Variants in PAXIP1 observed in about 807,000 individuals in gnomAD.
The protein encoded by PAXIP1 is PAX-interacting protein 1.
A neutral mutation model predicts 140.6 loss-of-function variants in PAXIP1; 19 were observed. That is an observed-to-expected ratio of 0.14 (90% CI 0.09 to 0.20). PAXIP1 has a LOEUF of 0.20. Among genes scored for constraint, PAXIP1 ranks in the 10% least tolerant of loss-of-function variants. The probability of loss-of-function intolerance (pLI) is 1.00; values close to 1 mark genes in which losing one functional copy is unlikely to be tolerated. For missense variants in PAXIP1, 920 were observed against 1,208.6 expected (o/e 0.76, Z 3.54); for synonymous variants, 442 against 444.6 (o/e 0.99, Z 0.07).
chr7:154,970,489 G>C (rs1809249608), intron 6 of PAXIP1, among the ~76,000 whole-genome samples: 1 of 152,204 alleles, frequency 6.6e-6, no homozygotes, highest in Admixed American at 6.5e-5. Context: ...TCTATAAAAG[G>C]ATTCAAGACT....
chr7:154,955,735 G>A (rs1288380192), intron 14 of PAXIP1, 104 bp from the exon 15 acceptor site: 1 of 582,764 alleles, frequency 1.7e-6, no homozygotes, highest in East Asian at 3.2e-5. Context: ...AGCTTTAACT[G>A]CATGTGGTTT....
At chr7:154,993,377 C>A (rs746669249) in intron 3 of PAXIP1, among the ~76,000 whole-genome samples, 3 of 152,172 alleles carry the variant, frequency 2.0e-5, no homozygotes, top group Admixed American at 6.6e-5. Context: ...ATGTTCTCTT[C>A]CCCAACTTAC....
rs1808876770 is a variant in PAXIP1, at chr7:154,963,826, A to G, written c.1894-60T>C. 5 of 1,118,682 alleles carry G rather than the reference A, an allele frequency of 4.5e-6. No individual in the cohort carries two copies. The highest frequency in any genetic ancestry group is 6.7e-6 in the Non-Finnish European group (5 of 744,030). 69.3% of individuals were successfully genotyped at this position (1,118,682 alleles called of 1,614,324 possible). ...TCACTCAGAATAGAGGAGAATTCCA[A>G]TTTCAAATAAGGCAGCTATTAAAAG... On this transcript the variant is annotated intron_variant, in intron 8 of 20. Coordinates refer to ENST00000404141, the MANE Select transcript of PAXIP1 (RefSeq NM_007349.4). The surrounding 1 kb of genome is among the most constrained non-coding windows in gnomAD (Gnocchi z 4.1).
chr7:154,966,078 T>C (rs75403962), intron 8 of PAXIP1, among the ~76,000 whole-genome samples: 4,157 of 152,328 alleles, frequency 0.027, 90 homozygotes, highest in Non-Finnish European at 0.041. Context: ...TGTTTCACTC[T>C]CTGCTGGCAT....
chr7:154,988,682 T>C (rs766149744), intron 4 of PAXIP1, among the ~76,000 whole-genome samples: 3 of 152,270 alleles, frequency 2.0e-5, no homozygotes, highest in East Asian at 1.9e-4. Flanking sequence ...AAAATGCCCA[T>C]AGGACTCCCT....
intron 13 of PAXIP1, among the ~76,000 whole-genome samples, chr7:154,959,619 A>G (rs1180600928): frequency 2.0e-5 from 3 of 152,174 alleles, no homozygotes; most frequent in South Asian, 2.1e-4. Flanking sequence ...TCAGGACACT[A>G]TGAAAACATT....
intron 5 of PAXIP1, among the ~76,000 whole-genome samples, chr7:154,982,683 G>T (rs1280485095): frequency 2.6e-5 from 4 of 152,174 alleles, no homozygotes; most frequent in African/African-American, 9.7e-5. Context: ...TCCCCAAGGG[G>T]GGCAGATGCT....
intron 5 of PAXIP1, among the ~76,000 whole-genome samples, chr7:154,980,943 A>G (rs918615262): frequency 5.3e-5 from 8 of 152,136 alleles, no homozygotes; most frequent in African/African-American, 1.4e-4. Context: ...AGCCTGGCCA[A>G]CATTTGGTTT....
chr7:154,973,115 C>T lies in PAXIP1; in HGVS notation c.1074+2581G>A, dbSNP rs1369517420. Among the ~76,000 whole-genome samples, 1 of 152,192 alleles carries T rather than the reference C, an allele frequency of 6.6e-6. No individual in the cohort carries two copies. Among genetic ancestry groups the T allele is most frequent in the African/African-American group, 2.4e-5 (1 of 41,456 alleles). On this transcript the variant is annotated intron_variant, in intron 6 of 20. Transcript: ENST00000404141. The surrounding 1 kb of genome is among the most constrained non-coding windows in gnomAD (Gnocchi z 4.0). ...ACCTTTTCCCTAAACTCGGCTGACC[C>T]CAGCGCTCTCATGGGCACCCACCTG...
At chr7:154,945,064 T>G (rs1807887590) in intron 20 of PAXIP1, 1 of 151,418 alleles carries the variant, frequency 6.6e-6, no homozygotes, top group Non-Finnish European at 1.5e-5. Context: ...ATTGGCTCAC[T>G]GCAACCCCTG....
chr7:154,961,472 G>A (rs1287774552), intron 11 of PAXIP1, 55 bp downstream of exon 11: 16 of 1,385,262 alleles, frequency 1.2e-5, no homozygotes, highest in Non-Finnish European at 1.6e-5. Context: ...TATTGAAATA[G>A]CCACTATATT....
rs1808438154 is a variant in PAXIP1 at position 154,954,879 on chromosome 7, T to A, written c.2653-456A>T. 6.6e-6 allele frequency among the ~76,000 whole-genome samples: 1 copy of A among 152,192 alleles called. No individual in the cohort carries two copies. On this transcript the variant is annotated intron_variant, in intron 15 of 20. Coordinates refer to ENST00000404141, the MANE Select transcript of PAXIP1 (RefSeq NM_007349.4). The surrounding 1 kb of genome is among the most constrained non-coding windows in gnomAD (Gnocchi z 5.1). ...TAAAAAAGCGAGCTCCTAATAACTA[T>A]CCTCACATTTTAAAGGTGGAGAAAT...
intron 2 of PAXIP1, among the ~76,000 whole-genome samples, chr7:154,994,851 G>A (rs1810499117): frequency 6.6e-6 from 1 of 152,158 alleles, no homozygotes; most frequent in Non-Finnish European, 1.5e-5. Flanking sequence ...TAAGTTACTG[G>A]ATTAGTTATC....
At chr7:154,969,846 T>A (rs558820658) in intron 6 of PAXIP1, among the ~76,000 whole-genome samples, 1 of 152,170 alleles carries the variant, frequency 6.6e-6, no homozygotes, top group Admixed American at 6.5e-5. Context: ...AACTAAGGAC[T>A]CATCATTAGA....
Position 154,954,367 on chromosome 7 carries a change from G to A in PAXIP1, c.2709C>T (p.Leu903=), listed in dbSNP as rs1353023158. 2 of 1,609,290 alleles carry A rather than the reference G, an allele frequency of 1.2e-6. No homozygotes were observed. The highest frequency in any genetic ancestry group is 2.7e-5 in the African/African-American group (2 of 74,856). The change falls in exon 16 of 21, where the codon CTC becomes CTT. Residue 903 remains leucine (L), a synonymous_variant. Transcript: ENST00000404141. The surrounding 1 kb of genome is among the most constrained non-coding windows in gnomAD (Gnocchi z 5.1). ...CGGTGCGAGTCACTTTGCTGGCAAT[G>A]AGGTGTGTGCACTTCTGTGCAGACT... is the stretch of plus-strand genomic sequence containing the variant. ...VAESAQKCTH[L]IASKVTRTVK... is the part of the protein sequence containing the mutation.
chr7:154,948,422 C>A, intron 16 of PAXIP1: 1 of 179,114 alleles, frequency 5.6e-6, no homozygotes, highest in South Asian at 1.2e-4. Context: ...TGGCATGTGC[C>A]TGTAGTCCCA....
In PAXIP1 at chr7:154,964,053, A is replaced by G. The variant is rs528073400; in HGVS notation, c.1894-287T>C. 1.4e-5 allele frequency: 5 copies of G among 366,706 alleles called. No individual in the cohort carries two copies. The East Asian group carries it at 2.9e-4, about 21-fold the overall frequency. The allele number at this position is 366,706 out of a possible 1,614,324, so 22.7% of individuals were successfully genotyped here. On this transcript the variant is annotated intron_variant, in intron 8 of 20. Coordinates refer to ENST00000404141, the MANE Select transcript of PAXIP1 (RefSeq NM_007349.4). ...AAGCTCAATGTAACTGCCACTCTGGACCAGGGAGTTCTGGGAAGTGGGGGC... is the reference window on the plus strand; with the variant it reads ...AAGCTCAATGTAACTGCCACTCTGGGCCAGGGAGTTCTGGGAAGTGGGGGC...
At chr7:155,002,792 G>C (rs887557051) in intron 1 of PAXIP1, 57 bp downstream of exon 1, 3 of 1,008,040 alleles carry the variant, frequency 3.0e-6, no homozygotes, top group South Asian at 2.0e-5. Context: ...GGACGGGGAC[G>C]GGGACGGACG....
chr7:154,968,355 T>C lies in PAXIP1; in HGVS notation c.1798+48A>G, dbSNP rs1253967304. ...CTCAAACACTCTCAAAGCATTTATG[T>C]GGGTACAAGACTTTTAGGAGAGAGG... On this transcript the variant is annotated intron_variant, in intron 7 of 20. Transcript: ENST00000404141. 3.4e-5 allele frequency: 49 copies of C among 1,455,882 alleles called. No homozygotes were observed. The East Asian group carries it at 1.2e-3, about 35-fold the overall frequency. The allele number at this position is 1,455,882 out of a possible 1,614,324, so 90.2% of individuals were successfully genotyped here.
Sources: gnomAD v4.1 joint callset for allele counts (sites outside exome capture counted in the v4.1 genomes callset) on GRCh38, gnomAD v4.1.1 for gene constraint, Gnocchi (gnomAD v3.1) non-coding constraint, MANE v1.5 for transcripts, NCBI Gene and HGNC (gene_info 2026-07-23, HGNC 2026-07-21) for gene names.